FRAS1: variants seen among roughly 807,000 people sequenced by gnomAD.
FRAS1 encodes Fraser extracellular matrix complex subunit 1.
In FRAS1, 290 loss-of-function variants were observed where a neutral mutation model predicts 435.2. That is an observed-to-expected ratio of 0.67 (90% CI 0.61 to 0.73). The LOEUF (loss-of-function observed/expected upper bound fraction) is 0.73. FRAS1 is among the 30% of genes least tolerant of loss of function. The probability of loss-of-function intolerance (pLI) is 0.00; values close to 1 mark genes in which losing one functional copy is unlikely to be tolerated. For missense variants in FRAS1, 4,860 were observed against 5,001.5 expected (o/e 0.97, Z 0.85); for synonymous variants, 1,800 against 1,851.0 (o/e 0.97, Z 0.71).
intron 42 of FRAS1, chr4:78,446,388 T>C (rs1377784341): frequency 9.2e-7 from 1 of 1,087,186 alleles, no homozygotes; most frequent in African/African-American, 1.7e-5. Context: ...TTCTGAGTTA[T>C]ATTAGTATGG....
intron 20 of FRAS1, among the ~76,000 whole-genome samples, chr4:78,344,029 TCCC>T (rs1560669951): frequency 3.9e-5 from 5 of 127,766 alleles, no homozygotes; most frequent in Non-Finnish European, 8.2e-5. Context: ...TACCCATCCA[TCCC>T]TCAATGCCTG....
At chr4:78,390,332 C>A (rs1427351161) in intron 29 of FRAS1, among the ~76,000 whole-genome samples, 3 of 152,142 alleles carry the variant, frequency 2.0e-5, no homozygotes, top group Non-Finnish European at 4.4e-5. Context: ...TTCATGATCA[C>A]TCTGTGATGT....
intron 61 of FRAS1, among the ~76,000 whole-genome samples, chr4:78,501,537 G>A (rs922135874): frequency 1.3e-5 from 2 of 152,160 alleles, no homozygotes; most frequent in Admixed American, 1.3e-4. Flanking sequence ...TTGAGGAATT[G>A]CCACACTGTC....
At chr4:78,234,471 C>T (rs1161154827) in intron 2 of FRAS1, among the ~76,000 whole-genome samples, 2 of 152,220 alleles carry the variant, frequency 1.3e-5, no homozygotes, top group Non-Finnish European at 2.9e-5. Flanking sequence ...GTGATCCACC[C>T]GCCTCGGCCC....
intron 27 of FRAS1, among the ~76,000 whole-genome samples, chr4:78,380,462 T>A (rs915335979): frequency 6.6e-6 from 1 of 152,176 alleles, no homozygotes; most frequent in South Asian, 2.1e-4. Flanking sequence ...CATTATGGAA[T>A]TAATTGTGGT....
intron 2 of FRAS1, among the ~76,000 whole-genome samples, chr4:78,161,260 C>A (rs1349502150): frequency 6.6e-6 from 1 of 152,086 alleles, no homozygotes; most frequent in Non-Finnish European, 1.5e-5. Flanking sequence ...GATCTCTAAT[C>A]CATAGGTTAT....
intron 2 of FRAS1, among the ~76,000 whole-genome samples, chr4:78,121,829 A>G (rs1173883685): frequency 6.6e-6 from 1 of 152,198 alleles, no homozygotes; most frequent in Non-Finnish European, 1.5e-5. Flanking sequence ...ATAGTCATCA[A>G]TTGGCAGTTG....
chr4:78,472,128 T>G, intron 51 of FRAS1, 52 bp from the exon 52 acceptor site: 1 of 1,571,842 alleles, frequency 6.4e-7, no homozygotes, highest in Non-Finnish European at 8.8e-7. Flanking sequence ...GAGGGTCTTG[T>G]TCCTGCTTTA....
intron 2 of FRAS1, among the ~76,000 whole-genome samples, chr4:78,141,033 G>T (rs1720159409): frequency 6.6e-6 from 1 of 152,086 alleles, no homozygotes; most frequent in Admixed American, 6.6e-5. Context: ...CATAGAAGTT[G>T]AAATTTGGCT....
In FRAS1 at chr4:78,201,891, TA is replaced by T. The variant is rs544248958; in HGVS notation, c.109-35618del. ...ATAAATATTTATTTATAGGTCATGT[TA>T]GGGGGCATGACCACATATCCATGCC... On this transcript the variant is annotated intron_variant, in intron 2 of 73. Coordinates refer to ENST00000512123, the MANE Select transcript of FRAS1 (RefSeq NM_025074.7). Among the ~76,000 whole-genome samples, 42 of 152,278 alleles carry T rather than the reference TA, an allele frequency of 2.8e-4. No homozygotes were observed. In the East Asian group the frequency reaches 7.5e-3, roughly 27 times the overall value.
At chr4:78,355,207 A>T (rs1350235599) in intron 20 of FRAS1, among the ~76,000 whole-genome samples, 2 of 152,048 alleles carry the variant, frequency 1.3e-5, no homozygotes, top group Admixed American at 1.3e-4. Context: ...GCTACCTTGT[A>T]ATGTGTTTAT....
At position 78,281,400 on chromosome 4, in the gene FRAS1, G is replaced by GT; in HGVS notation, c.1075dup (p.Ser359PhefsTer5). ...AAGACATTTCTCTTTGTTCCTAGATGTCATCAAATGCTAGTGAAGTTAAAC... is the reference window on the plus strand; with the variant it reads ...AAGACATTTCTCTTTGTTCCTAGATGTTCATCAAATGCTAGTGAAGTTAAAC... On this transcript the variant is annotated frameshift_variant, in exon 11 of 74. Coordinates refer to ENST00000512123, the MANE Select transcript of FRAS1 (RefSeq NM_025074.7). LOFTEE classifies it high-confidence loss of function. The GT allele has an allele frequency of 6.4e-7, 1 of 1,572,572 alleles. No individual in the cohort carries two copies. Among genetic ancestry groups the GT allele is most frequent in the Non-Finnish European group, 8.6e-7 (1 of 1,158,976 alleles).
At chr4:78,534,722 C>A in intron 71 of FRAS1, 107 bp downstream of exon 71, 1 of 1,012,192 alleles carries the variant, frequency 9.9e-7, no homozygotes, top group Non-Finnish European at 1.5e-6. Context: ...GTCACCACCC[C>A]AGTAAAGATC....
At chr4:78,271,508 C>A (rs1041403952) in intron 9 of FRAS1, among the ~76,000 whole-genome samples, 9 of 152,192 alleles carry the variant, frequency 5.9e-5, no homozygotes, top group Non-Finnish European at 1.0e-4. Flanking sequence ...TGTTCCCCTT[C>A]CTGTGTCCAG....
rs373490891 is a variant in FRAS1 at position 78,281,410 on chromosome 4, G to T, written c.1084G>T (p.Ala362Ser). ...EETGEFMSSN[A>S]SEVKRIPEGE... is the part of the protein sequence containing the mutation. ...TCTTTGTTCCTAGATGTCATCAAATGCTAGTGAAGTTAAACGTATTCCAGT... is the reference window on the plus strand; with the variant it reads ...TCTTTGTTCCTAGATGTCATCAAATTCTAGTGAAGTTAAACGTATTCCAGT... The change falls in exon 11 of 74, where the codon GCT (alanine) becomes TCT (serine). Residue 362 changes from alanine (A) to serine (S), a missense_variant. Physicochemically the swap from Ala to Ser is moderately conservative, Grantham distance 99 (BLOSUM62 1). Transcript: ENST00000512123. 4.4e-6 allele frequency: 7 copies of T among 1,577,184 alleles called. No homozygotes were observed. The African/African-American group carries it at 9.5e-5, about 22-fold the overall frequency.
At chr4:78,061,892 CTTGGTGGG>C (rs2109841985) in intron 1 of FRAS1, among the ~76,000 whole-genome samples, 1 of 152,212 alleles carries the variant, frequency 6.6e-6, no homozygotes, top group Non-Finnish European at 1.5e-5. Context: ...ACATTTGGTC[CTTGGTGGG>C]TTTCTCAGTA....
At chr4:78,189,298 G>A (rs747130619) in intron 2 of FRAS1, among the ~76,000 whole-genome samples, 13 of 152,234 alleles carry the variant, frequency 8.5e-5, no homozygotes, top group Non-Finnish European at 1.8e-4. Flanking sequence ...CTGCATTGGA[G>A]ATGAATGGAC....
rs192193383 is a variant in FRAS1 at position 78,154,699 on chromosome 4, A to C, written c.109-82811A>C. Among the ~76,000 whole-genome samples the C allele has an allele frequency of 2.0e-4, 30 of 152,354 alleles. No homozygotes were observed. The East Asian group carries it at 5.8e-3, about 29-fold the overall frequency. On this transcript the variant is annotated intron_variant, in intron 2 of 73. Transcript: ENST00000512123. ...ATTTTTAAAACCCACAAAACTAAGA[A>C]AATCCATTTTTAATCCCTTGAGGGA...
chr4:78,116,548 C>T (rs1468572518), intron 2 of FRAS1, among the ~76,000 whole-genome samples: 2 of 152,142 alleles, frequency 1.3e-5, no homozygotes, highest in African/African-American at 2.4e-5. Flanking sequence ...GGATAATTAG[C>T]TCTTCTTGTT....
Sources: allele counts gnomAD v4.1 joint callset (sites outside exome capture counted in the v4.1 genomes callset), GRCh38; gene constraint gnomAD v4.1.1; transcripts MANE v1.5; gene names NCBI Gene and HGNC (gene_info 2026-07-23, HGNC 2026-07-21).